Variants in CD40 observed in about 807,000 individuals in gnomAD.
CD40 encodes the protein tumor necrosis factor receptor superfamily member 5.
CD40 carries 19 observed loss-of-function variants against 38.5 expected under a neutral mutation model. The observed-to-expected ratio is 0.49, with a 90% CI of 0.34 to 0.72. The LOEUF is 0.72. CD40 is among the 30% of genes least tolerant of loss of function. CD40 has a pLI of 0.01. For synonymous variants in CD40, 130 were observed against 128.7 expected (o/e 1.01, Z -0.07); for missense variants, 256 against 344.1 (o/e 0.74, Z 2.03).
In CD40 at chr20:46,128,364, TCA is replaced by T. The variant is rs2085480630; in HGVS notation, c.675+8_675+9del. ...CCAAGAAGCCAACCAATAAGGTAGG[TCA>T]CCCCTGAGAACCCGGGACAGAGTTT... On this transcript the variant is annotated splice_region_variant and intron_variant, in intron 8 of 8. Transcript: ENST00000372285. The T allele has an allele frequency of 6.2e-7, 1 of 1,603,488 alleles. No homozygotes were observed. The highest frequency in any genetic ancestry group is 1.4e-5 in the African/African-American group (1 of 72,524).
chr20:46,129,227 GA>G lies in CD40; in HGVS notation c.*189del. 1.5e-6 allele frequency: 1 copy of G among 659,504 alleles called. No individual in the cohort carries two copies. Among genetic ancestry groups the G allele is most frequent in the Non-Finnish European group, 2.7e-6 (1 of 366,642 alleles). 40.9% of individuals were successfully genotyped at this position (659,504 alleles called of 1,614,324 possible). A position where few individuals can be genotyped will look rare whatever the true frequency, so the allele number is the denominator to read the frequency against. ...ACTGGATGCAGAAACAGTTCACCTT[GA>G]AGAACCTCTCACTTCACCCTGGAGC... On this transcript the variant is annotated 3_prime_UTR_variant, in exon 9 of 9. Coordinates refer to ENST00000372285, the MANE Select transcript of CD40 (RefSeq NM_001250.6).
intron 8 of CD40, 197 bp from the exon 9 acceptor site, chr20:46,128,685 C>T: frequency 1.5e-6 from 1 of 670,848 alleles, no homozygotes; most frequent in Non-Finnish European, 2.6e-6. Context: ...CTTAAGCCCA[C>T]TGGCTCCCAC....
At chr20:46,126,433 T>G (rs2085437448) in intron 5 of CD40, among the ~76,000 whole-genome samples, 1 of 152,236 alleles carries the variant, frequency 6.6e-6, no homozygotes, top group Admixed American at 6.5e-5. Context: ...CAAGAATCTT[T>G]TCTCTGCACT....
At chr20:46,125,791 T>C (rs1337745374) in intron 5 of CD40, among the ~76,000 whole-genome samples, 1 of 152,160 alleles carries the variant, frequency 6.6e-6, no homozygotes. Flanking sequence ...ATCTTCTCAC[T>C]AGTGAAGTCG....
At chr20:46,126,844 T>G (rs1370607097) in intron 6 of CD40, 143 bp downstream of exon 6, 11 of 1,391,414 alleles carry the variant, frequency 7.9e-6, no homozygotes, top group Non-Finnish European at 9.0e-6. Flanking sequence ...CCACTTATCT[T>G]GGGAGTCTGG....
chr20:46,123,341 G>T, intron 5 of CD40, 122 bp downstream of exon 5: 1 of 866,412 alleles, frequency 1.2e-6, no homozygotes, highest in Non-Finnish European at 2.0e-6. Context: ...TACTTGTGAA[G>T]CATCTGCAGA....
At position 46,122,560 on chromosome 20, in the gene CD40, G is replaced by C. The variant is rs1168330842; in HGVS notation, c.257-50G>C. 1.9e-6 allele frequency: 3 copies of C among 1,613,444 alleles called. No individual in the cohort carries two copies. In the East Asian group the frequency reaches 6.7e-5, roughly 36 times the overall value. ...CAGGCAATGTGGGGAGTGAGGCTCAGAGCATGGCCCAGCAGGGGGTTCCCA... is the reference window on the plus strand; with the variant it reads ...CAGGCAATGTGGGGAGTGAGGCTCACAGCATGGCCCAGCAGGGGGTTCCCA... On this transcript the variant is annotated intron_variant, in intron 3 of 8. Coordinates refer to ENST00000372285, the MANE Select transcript of CD40 (RefSeq NM_001250.6). This position sits in a 1 kb window ranked among gnomAD's most constrained non-coding sequence, Gnocchi z 5.0.
chr20:46,125,546 CAAAAA>C (rs60475326), intron 5 of CD40, among the ~76,000 whole-genome samples: 143 of 69,426 alleles, frequency 2.1e-3, no homozygotes, highest in East Asian at 0.012. Context: ...GACTCTGTCT[CAAAAA>C]AAAAAAAAAA....
At chr20:46,128,467 TG>T in intron 8 of CD40, 109 bp downstream of exon 8, 1 of 1,230,014 alleles carries the variant, frequency 8.1e-7, no homozygotes, top group Non-Finnish European at 1.2e-6. Flanking sequence ...CTGCAGCCAG[TG>T]GGGTGGCAGC....
At position 46,122,532 on chromosome 20, in the gene CD40, G is replaced by C; in HGVS notation, c.257-78G>C. The C allele has an allele frequency of 1.9e-6, 3 of 1,601,332 alleles. No homozygotes were observed. Among genetic ancestry groups the C allele is most frequent in the Non-Finnish European group, 2.6e-6 (3 of 1,168,814 alleles). On this transcript the variant is annotated intron_variant, in intron 3 of 8. Coordinates refer to ENST00000372285, the MANE Select transcript of CD40 (RefSeq NM_001250.6). This position sits in a 1 kb window ranked among gnomAD's most constrained non-coding sequence, Gnocchi z 5.0. ...CTTGGAAGAGGGTCTGAGGAAGAAA[G>C]AGCAGGCAATGTGGGGAGTGAGGCT...
rs2085347745 is a variant in CD40, at chr20:46,122,887, C to T, written c.403+131C>T. 4 of 1,195,836 alleles carry T rather than the reference C, an allele frequency of 3.3e-6. No individual in the cohort carries two copies. The highest frequency in any genetic ancestry group is 2.4e-6 in the Non-Finnish European group (2 of 839,980). The allele number at this position is 1,195,836 out of a possible 1,614,324, so 74.1% of individuals were successfully genotyped here. ...GAGGCTCCAACCTATGTCGGTATCC[C>T]CACTGGAGTGAGCTGCAGACGGGAC... On this transcript the variant is annotated intron_variant, in intron 4 of 8. Transcript: ENST00000372285. The surrounding 1 kb of genome is among the most constrained non-coding windows in gnomAD (Gnocchi z 5.0).
At position 46,121,870 on chromosome 20, in the gene CD40, C is replaced by T. The variant is rs2085325306; in HGVS notation, c.102C>T (p.Asn34=). The change falls in exon 2 of 9, where the codon AAC becomes AAT. Residue 34 remains asparagine (N), a synonymous_variant. Coordinates refer to ENST00000372285, the MANE Select transcript of CD40 (RefSeq NM_001250.6). ...GCAGAGAAAAACAGTACCTAATAAA[C>T]AGTCAGTGCTGTTCTTTGTGCCAGC... ...TACREKQYLI[N]SQCCSLCQPG... The T allele has an allele frequency of 6.2e-7, 1 of 1,614,124 alleles. No individual in the cohort carries two copies. Among genetic ancestry groups the T allele is most frequent in the African/African-American group, 1.3e-5 (1 of 75,064 alleles).
rs1363815007 is a variant in CD40, at chr20:46,129,802, A to C, written c.*762A>C. ...ATAATGCTTCATCATTTTTCCCAAA[A>C]GGAGAGTGAATTCACATAATGCTTA... On this transcript the variant is annotated 3_prime_UTR_variant, in exon 9 of 9. Coordinates refer to ENST00000372285, the MANE Select transcript of CD40 (RefSeq NM_001250.6). 6.6e-6 allele frequency: 1 copy of C among 152,126 alleles called. No individual in the cohort carries two copies. Among genetic ancestry groups the C allele is most frequent in the African/African-American group, 2.4e-5 (1 of 41,424 alleles). The allele number at this position is 152,126 out of a possible 1,614,324, so 9.4% of individuals were successfully genotyped here. A position where few individuals can be genotyped will look rare whatever the true frequency, so the allele number is the denominator to read the frequency against.
In CD40 at chr20:46,128,244, G is replaced by GGTGAAGT; in HGVS notation, c.646+23_646+24insAAGTGTG. The GGTGAAGT allele has an allele frequency of 6.2e-7, 1 of 1,613,292 alleles. No homozygotes were observed. The highest frequency in any genetic ancestry group is 8.5e-7 in the Non-Finnish European group (1 of 1,179,688). On this transcript the variant is annotated intron_variant, in intron 7 of 8. Transcript: ENST00000372285. ...TTATCAGTGAGTCCTCAGGTGGGGA[G>GGTGAAGT]GTGTTGGGGGAGGGAGGGGAGACCA... is the stretch of plus-strand genomic sequence containing the variant.
chr20:46,126,143 C>G (rs1158413222), intron 5 of CD40, among the ~76,000 whole-genome samples: 1 of 152,204 alleles, frequency 6.6e-6, no homozygotes, highest in Non-Finnish European at 1.5e-5. Flanking sequence ...GGGGATGCTA[C>G]AGGGATCTGG....
intron 8 of CD40, 197 bp from the exon 9 acceptor site, chr20:46,128,685 C>G: frequency 3.0e-6 from 2 of 670,848 alleles, no homozygotes; most frequent in Non-Finnish European, 5.2e-6. Context: ...CTTAAGCCCA[C>G]TGGCTCCCAC....
rs2085325773 is a variant in CD40 at position 46,121,888 on chromosome 20, G to A, written c.120G>A (p.Leu40=). The A allele has an allele frequency of 6.2e-7, 1 of 1,613,794 alleles. No homozygotes were observed. Among genetic ancestry groups the A allele is most frequent in the African/African-American group, 1.3e-5 (1 of 74,910 alleles). The part of the protein sequence containing the change: ...QYLINSQCCS[L]CQPGQKLVSD... ...TAATAAACAGTCAGTGCTGTTCTTT[G>A]TGCCAGCCAGGTGAGATGCCAACCC... is the stretch of plus-strand genomic sequence containing the variant. The change falls in exon 2 of 9, where the codon TTG becomes TTA. Residue 40 remains leucine, a synonymous_variant. Coordinates refer to ENST00000372285, the MANE Select transcript of CD40 (RefSeq NM_001250.6).
chr20:46,125,311 C>T (rs538762639), intron 5 of CD40, among the ~76,000 whole-genome samples: 46 of 151,110 alleles, frequency 3.0e-4, no homozygotes, highest in South Asian at 1.7e-3. Flanking sequence ...TTTGGGAGGC[C>T]GAGGAGGGCA....
Position 46,122,597 on chromosome 20 carries a change from C to G in CD40, c.257-13C>G, listed in dbSNP as rs571974174. 6.2e-7 allele frequency: 1 copy of G among 1,614,128 alleles called. No homozygotes were observed. The highest frequency in any genetic ancestry group is 1.3e-5 in the African/African-American group (1 of 75,032). ...GCAGGGGGTTCCCATCCTTCCTGCC[C>G]TTCTCTTCTCAGACCTAGGGCTTCG... On this transcript the variant is annotated splice_polypyrimidine_tract_variant and intron_variant, in intron 3 of 8. Coordinates refer to ENST00000372285, the MANE Select transcript of CD40 (RefSeq NM_001250.6). The surrounding 1 kb of genome is among the most constrained non-coding windows in gnomAD (Gnocchi z 5.0).
Sources: allele counts gnomAD v4.1 joint callset (sites outside exome capture counted in the v4.1 genomes callset), GRCh38; gene constraint gnomAD v4.1.1; non-coding constraint Gnocchi (gnomAD v3.1); transcripts MANE v1.5; gene names NCBI Gene and HGNC (gene_info 2026-07-23, HGNC 2026-07-21).